The following IPCEF1 variants were observed in gnomAD, a reference collection of about 807,000 sequenced individuals.
IPCEF1 encodes the protein interaction protein for cytohesin exchange factors 1, also known as interactor protein for cytohesin exchange factors 1.
Under a neutral mutation model 50.9 loss-of-function variants are expected in IPCEF1, and 31 were observed. The observed-to-expected ratio is 0.61, with a 90% confidence interval of 0.46 to 0.82. The LOEUF is 0.82. Among genes scored for constraint, IPCEF1 ranks in the 40% least tolerant of loss-of-function variants. The pLI, the probability that IPCEF1 is intolerant of heterozygous loss-of-function variation, is 0.00. For missense variants in IPCEF1, 458 were observed against 514.0 expected (o/e 0.89, Z 1.05); for synonymous variants, 181 against 192.0 (o/e 0.94, Z 0.47).
At chr6:154,194,967 C>A (rs10485060) in intron 10 of IPCEF1, among the ~76,000 whole-genome samples, 7,469 of 152,060 alleles carry the variant, frequency 0.049, 305 homozygotes, top group South Asian at 0.19. Flanking sequence ...GCTGAGGATA[C>A]AAAGGCCAAG....
chr6:154,321,374 A>T (rs1783370372), intron 1 of IPCEF1, among the ~76,000 whole-genome samples: 2 of 152,110 alleles, frequency 1.3e-5, no homozygotes, highest in Admixed American at 1.3e-4. Context: ...GATGCAAAAT[A>T]GTTTTTACTC....
At chr6:154,351,392 C>T (rs555673204) in intron 1 of IPCEF1, among the ~76,000 whole-genome samples, 4 of 152,260 alleles carry the variant, frequency 2.6e-5, no homozygotes, top group East Asian at 1.9e-4. Flanking sequence ...GCATTTCCTA[C>T]GTGGTACCAC....
At chr6:154,332,305 T>A (rs1367707078) in intron 1 of IPCEF1, among the ~76,000 whole-genome samples, 1 of 112,996 alleles carries the variant, frequency 8.8e-6, no homozygotes, top group Non-Finnish European at 1.9e-5. Context: ...TTTTTTTTTT[T>A]ACTGTTTTTT....
At chr6:154,291,785 C>T (rs1028212850) in intron 1 of IPCEF1, among the ~76,000 whole-genome samples, 3 of 148,582 alleles carry the variant, frequency 2.0e-5, no homozygotes, top group African/African-American at 5.0e-5. Flanking sequence ...CCTGGGTTCA[C>T]GCCATTCTCC....
intron 3 of IPCEF1, among the ~76,000 whole-genome samples, chr6:154,257,042 A>G (rs1014713258): frequency 4.6e-5 from 7 of 152,224 alleles, no homozygotes; most frequent in Non-Finnish European, 7.3e-5. Flanking sequence ...TCAACTTAAG[A>G]TATTTTCAAT....
At chr6:154,161,678 G>A (rs1358416694) in intron 11 of IPCEF1, among the ~76,000 whole-genome samples, 6 of 152,100 alleles carry the variant, frequency 3.9e-5, no homozygotes, top group Non-Finnish European at 8.8e-5. Context: ...AGGTATTTAC[G>A]GGTAAGTCAT....
chr6:154,201,337 T>G (rs970980577), intron 9 of IPCEF1, among the ~76,000 whole-genome samples: 3 of 152,228 alleles, frequency 2.0e-5, no homozygotes, highest in African/African-American at 7.2e-5. Context: ...TAAAAAATGG[T>G]GACAGTACAT....
intron 5 of IPCEF1, among the ~76,000 whole-genome samples, chr6:154,225,925 T>TA (rs1422030409): frequency 6.6e-6 from 1 of 152,198 alleles, no homozygotes; most frequent in Non-Finnish European, 1.5e-5. Flanking sequence ...AAATCCCATC[T>TA]ACTGTTTTTA....
At chr6:154,176,597 G>C (rs1228130516) in intron 10 of IPCEF1, among the ~76,000 whole-genome samples, 1 of 152,042 alleles carries the variant, frequency 6.6e-6, no homozygotes, top group Non-Finnish European at 1.5e-5. Context: ...AAATACCTAG[G>C]AATCCAATTT....
chr6:154,177,692 G>A (rs1800460608), intron 10 of IPCEF1, among the ~76,000 whole-genome samples: 2 of 152,212 alleles, frequency 1.3e-5, no homozygotes, highest in African/African-American at 4.8e-5. Context: ...CTGTTGGTGG[G>A]AGTGTAAATT....
intron 1 of IPCEF1, among the ~76,000 whole-genome samples, chr6:154,311,173 A>T (rs1301595856): frequency 1.3e-5 from 2 of 152,210 alleles, no homozygotes; most frequent in East Asian, 1.9e-4. Flanking sequence ...AAAATAAGAA[A>T]GAAAAACTGC....
At chr6:154,324,991 A>C (rs1783485189) in intron 1 of IPCEF1, among the ~76,000 whole-genome samples, 2 of 152,214 alleles carry the variant, frequency 1.3e-5, no homozygotes, top group Non-Finnish European at 2.9e-5. Context: ...TCTTTCATGT[A>C]TAAAGACCTC....
At position 154,207,558 on chromosome 6, in the gene IPCEF1, G is replaced by GTT. The variant is rs113093778; in HGVS notation, c.537+5211_537+5212insAA. On this transcript the variant is annotated intron_variant, in intron 9 of 11. Transcript: ENST00000367220. ...CTCCTTCTGTGTTTAAACTTTTTGG[G>GTT]GTTTTTTTTGTTTTTTTGTTTTTCT... 9.3e-4 allele frequency among the ~76,000 whole-genome samples: 140 copies of GTT among 151,136 alleles called. No homozygotes were observed. The Middle Eastern group carries it at 0.014, about 15-fold the overall frequency.
At chr6:154,334,112 G>A (rs1783739016) in intron 1 of IPCEF1, among the ~76,000 whole-genome samples, 1 of 152,108 alleles carries the variant, frequency 6.6e-6, no homozygotes, top group African/African-American at 2.4e-5. Flanking sequence ...ACAGTTATGG[G>A]GTAGATGGGT....
chr6:154,194,371 C>T (rs1391610524), intron 10 of IPCEF1, among the ~76,000 whole-genome samples: 3 of 152,072 alleles, frequency 2.0e-5, no homozygotes, highest in Non-Finnish European at 4.4e-5. Context: ...TGCACTCCAG[C>T]ATGGGCAACA....
At chr6:154,233,773 C>T (rs1020580593) in intron 5 of IPCEF1, among the ~76,000 whole-genome samples, 19 of 152,188 alleles carry the variant, frequency 1.2e-4, no homozygotes, top group African/African-American at 4.6e-4. Flanking sequence ...GGCAAGACTT[C>T]CTGCCACCAG....
At chr6:154,284,794 G>C (rs1782317668) in intron 2 of IPCEF1, among the ~76,000 whole-genome samples, 1 of 152,166 alleles carries the variant, frequency 6.6e-6, no homozygotes, top group Admixed American at 6.5e-5. Context: ...AAGGTCAGGA[G>C]ATCAAGACCA....
chr6:154,170,893 C>T (rs1799817464), intron 10 of IPCEF1, among the ~76,000 whole-genome samples: 1 of 152,098 alleles, frequency 6.6e-6, no homozygotes, highest in Non-Finnish European at 1.5e-5. Context: ...TTTTTAAAGA[C>T]AGGGTCTTGG....
At chr6:154,293,063 T>C (rs553872709) in intron 1 of IPCEF1, among the ~76,000 whole-genome samples, 1 of 152,360 alleles carries the variant, frequency 6.6e-6, no homozygotes, top group South Asian at 2.1e-4. Context: ...TATTTACTTT[T>C]TGCCGTGGGG....
Sources: allele counts gnomAD v4.1 joint callset (sites outside exome capture counted in the v4.1 genomes callset), GRCh38; gene constraint gnomAD v4.1.1; transcripts MANE v1.5; gene names NCBI Gene and HGNC (gene_info 2026-07-23, HGNC 2026-07-21).